Variants in SLC25A42 observed in about 807,000 individuals in gnomAD.
The protein encoded by SLC25A42 is mitochondrial coenzyme A transporter SLC25A42.
SLC25A42 carries 19 observed loss-of-function variants against 34.7 expected under a neutral mutation model. The ratio of observed to expected loss-of-function variants is 0.55; its 90% CI spans 0.38 to 0.80. The LOEUF (loss-of-function observed/expected upper bound fraction) is 0.80, where lower values mean the gene tolerates loss of function less well. SLC25A42 is among the 30% of genes least tolerant of loss of function. SLC25A42 has a pLI of 0.00. For missense variants in SLC25A42, 364 were observed against 441.3 expected, an observed-to-expected ratio of 0.82 and a Z score of 1.57; for synonymous variants, 205 against 191.2, an observed-to-expected ratio of 1.07 and a Z score of -0.59.
intron 1 of SLC25A42, among the ~76,000 whole-genome samples, chr19:19,078,473 T>C (rs949152282): frequency 1.3e-5 from 2 of 152,018 alleles, no homozygotes; most frequent in African/African-American, 4.8e-5. Context: ...CCCATGTCCC[T>C]CCTCCCACAT....
intron 1 of SLC25A42, among the ~76,000 whole-genome samples, chr19:19,067,440 C>T (rs1156739964): frequency 6.6e-6 from 1 of 151,920 alleles, no homozygotes. Flanking sequence ...TAAAATTAGC[C>T]GGGCGTGGTG....
intron 3 of SLC25A42, among the ~76,000 whole-genome samples, chr19:19,104,522 T>A (rs1414029654): frequency 6.6e-6 from 1 of 152,030 alleles, no homozygotes; most frequent in Non-Finnish European, 1.5e-5. Flanking sequence ...AGGATAGCGG[T>A]GCCTGTGCTG....
At chr19:19,093,946 G>C (rs1568517096) in intron 1 of SLC25A42, among the ~76,000 whole-genome samples, 1 of 152,242 alleles carries the variant, frequency 6.6e-6, no homozygotes, top group Non-Finnish European at 1.5e-5. Context: ...AAAGTGCTGG[G>C]ATTACAGGCG....
In SLC25A42 at chr19:19,109,902, G is replaced by A. The variant is rs967422600; in HGVS notation, c.650-667G>A. Among the ~76,000 whole-genome samples the A allele has an allele frequency of 6.6e-6, 1 of 152,188 alleles. No individual in the cohort carries two copies. On this transcript the variant is annotated intron_variant, in intron 7 of 7. Transcript: ENST00000318596. This position sits in a 1 kb window ranked among gnomAD's most constrained non-coding sequence, Gnocchi z 4.1. ...TTATGTCCACTCTGTGCAACAGCTC[G>A]CAGGGGCTCCCCAGGGAGGGCGCAG... is the stretch of plus-strand genomic sequence containing the variant.
chr19:19,075,307 T>C (rs1213088503), intron 1 of SLC25A42, among the ~76,000 whole-genome samples: 1 of 152,206 alleles, frequency 6.6e-6, no homozygotes, highest in Non-Finnish European at 1.5e-5. Flanking sequence ...TCCTGAATAA[T>C]GCTGCTTAGT....
chr19:19,106,770 TA>T (rs966212845), intron 6 of SLC25A42: 2 of 147,778 alleles, frequency 1.4e-5, no homozygotes, highest in African/African-American at 5.0e-5. Flanking sequence ...CCGTATTTAC[TA>T]AAAATACAAA....
At chr19:19,067,021 C>CAAA (rs11419955) in intron 1 of SLC25A42, among the ~76,000 whole-genome samples, 54 of 115,662 alleles carry the variant, frequency 4.7e-4, no homozygotes, top group East Asian at 1.5e-3. Flanking sequence ...GACCCTGTCT[C>CAAA]AAAAAAAAAA....
chr19:19,101,098 G>A (rs1442556274), intron 2 of SLC25A42, among the ~76,000 whole-genome samples: 1 of 152,132 alleles, frequency 6.6e-6, no homozygotes, highest in African/African-American at 2.4e-5. Flanking sequence ...ATCCCACAGG[G>A]CTCGGACACA....
At chr19:19,069,682 T>A (rs2059619324) in intron 1 of SLC25A42, among the ~76,000 whole-genome samples, 1 of 152,154 alleles carries the variant, frequency 6.6e-6, no homozygotes, top group African/African-American at 2.4e-5. Context: ...AGAGATGGGG[T>A]CTCACTATGT....
At chr19:19,092,304 C>T (rs1421223085) in intron 1 of SLC25A42, among the ~76,000 whole-genome samples, 1 of 152,212 alleles carries the variant, frequency 6.6e-6, no homozygotes, top group Non-Finnish European at 1.5e-5. Context: ...GCCATCGTTC[C>T]ACCCCCTCCA....
At chr19:19,073,452 C>T (rs779312956) in intron 1 of SLC25A42, among the ~76,000 whole-genome samples, 2 of 152,266 alleles carry the variant, frequency 1.3e-5, no homozygotes, top group Middle Eastern at 3.4e-3. Context: ...TTGCCAGGAT[C>T]GGAGACTGCG....
At chr19:19,077,266 A>C (rs2059659936) in intron 1 of SLC25A42, among the ~76,000 whole-genome samples, 1 of 152,228 alleles carries the variant, frequency 6.6e-6, no homozygotes, top group African/African-American at 2.4e-5. Context: ...AGTGGCATTA[A>C]GTACATTCAC....
rs2059859843 is a variant in SLC25A42 at position 19,110,773 on chromosome 19, A to G, written c.854A>G (p.Tyr285Cys). 1 of 1,613,580 alleles carries G rather than the reference A, an allele frequency of 6.2e-7. No homozygotes were observed. Among genetic ancestry groups the G allele is most frequent in the East Asian group, 2.2e-5 (1 of 44,862 alleles). Residue 285 changes from tyrosine (Y) to cysteine (C), a missense_variant, in exon 8 of 8, where the codon TAC becomes TGC. Coordinates refer to ENST00000318596, the MANE Select transcript of SLC25A42 (RefSeq NM_178526.5). ...VREEGAVRGL[Y>C]KGLSMNWVKG... Reference sequence around the variant, plus strand: ...GAGGAGGGCGCCGTGCGCGGCCTCTACAAAGGCTTGAGCATGAACTGGGTC... The same window carrying G: ...GAGGAGGGCGCCGTGCGCGGCCTCTGCAAAGGCTTGAGCATGAACTGGGTC...
At chr19:19,096,431 T>C (rs934490489) in intron 2 of SLC25A42, among the ~76,000 whole-genome samples, 8 of 152,008 alleles carry the variant, frequency 5.3e-5, no homozygotes, top group African/African-American at 1.9e-4. Flanking sequence ...GTGGAGCCTC[T>C]CTGCTCCCAC....
intron 2 of SLC25A42, 55 bp downstream of exon 2, chr19:19,096,260 C>A: frequency 2.8e-6 from 4 of 1,404,148 alleles, no homozygotes; most frequent in East Asian, 2.4e-5. Flanking sequence ...AGCCTCCCCA[C>A]CCCCCCTCCC....
chr19:19,074,305 CG>C (rs1831559748), intron 1 of SLC25A42, among the ~76,000 whole-genome samples: 1 of 152,164 alleles, frequency 6.6e-6, no homozygotes, highest in Non-Finnish European at 1.5e-5. Flanking sequence ...AGGCAGCCTG[CG>C]GGGTTGGGGT....
At chr19:19,102,396 G>C (rs1599686702) in intron 3 of SLC25A42, among the ~76,000 whole-genome samples, 1 of 152,048 alleles carries the variant, frequency 6.6e-6, no homozygotes, top group African/African-American at 2.4e-5. Context: ...AAGTAGCTGG[G>C]ACTATGGGTG....
intron 1 of SLC25A42, among the ~76,000 whole-genome samples, chr19:19,067,413 C>G (rs763238654): frequency 1.7e-4 from 26 of 152,034 alleles, no homozygotes; most frequent in Admixed American, 3.3e-4. Flanking sequence ...GAAACCCTAT[C>G]TCTATAAAAA....
At chr19:19,098,156 G>A (rs1337775356) in intron 2 of SLC25A42, among the ~76,000 whole-genome samples, 1 of 152,198 alleles carries the variant, frequency 6.6e-6, no homozygotes, top group East Asian at 1.9e-4. Flanking sequence ...ATAATAAGGT[G>A]TTTGTGTTCA....
Sources: gnomAD v4.1 joint callset for allele counts (sites outside exome capture counted in the v4.1 genomes callset) on GRCh38, gnomAD v4.1.1 for gene constraint, Gnocchi (gnomAD v3.1) non-coding constraint, MANE v1.5 for transcripts, NCBI Gene and HGNC (gene_info 2026-07-23, HGNC 2026-07-21) for gene names.